KLF6: variants seen among roughly 807,000 people sequenced by gnomAD.
KLF6 encodes the protein KLF transcription factor 6.
For missense variants in KLF6, 233 were observed against 359.8 expected (o/e 0.65, Z 2.85); for synonymous variants, 152 against 147.9 (o/e 1.03, Z -0.20).
At position 3,782,284 on chromosome 10, in the gene KLF6, C is replaced by T. The variant is rs553665379; in HGVS notation, c.103-70G>A. 7.9e-7 allele frequency: 1 copy of T among 1,263,118 alleles called. No homozygotes were observed. The highest frequency in any genetic ancestry group is 1.5e-5 in the African/African-American group (1 of 68,310). The allele number at this position is 1,263,118 out of a possible 1,614,324, so 78.2% of individuals were successfully genotyped here. On this transcript the variant is annotated intron_variant, in intron 1 of 3. Coordinates refer to ENST00000497571, the MANE Select transcript of KLF6 (RefSeq NM_001300.6). The surrounding 1 kb of genome is among the most constrained non-coding windows in gnomAD (Gnocchi z 4.3). ...CAAAAGTAAAAGCAAAAGCAATTTC[C>T]AAAAACATGCAAGAATGAAGGACAG... is the stretch of plus-strand genomic sequence containing the variant.
At position 3,779,477 on chromosome 10, in the gene KLF6, C is replaced by T. The variant is rs112418040; in HGVS notation, c.*62G>A. On this transcript the variant is annotated 3_prime_UTR_variant, in exon 4 of 4. Coordinates refer to ENST00000497571, the MANE Select transcript of KLF6 (RefSeq NM_001300.6). ...GCTTTGGCTGGAACACGCATCCCTC[C>T]TTCCACGGCCGGCTCTCAGCCTGGA... is the stretch of plus-strand genomic sequence containing the variant. 4,249 of 1,419,224 alleles carry T rather than the reference C, an allele frequency of 3.0e-3. 115 individuals are homozygous for T. In the African/African-American group the frequency reaches 0.05, roughly 17 times the overall value. 87.9% of individuals were successfully genotyped at this position (1,419,224 alleles called of 1,614,324 possible). A position where few individuals can be genotyped will look rare whatever the true frequency, so the allele number is the denominator to read the frequency against.
In KLF6 at chr10:3,776,819, G is replaced by A. The variant is rs572130106; in HGVS notation, c.*2720C>T. Reference sequence around the variant, plus strand: ...GAACAGAATGTACTTCTTTATGTACGTGCTAATTATGAAAATCACAGGCAT... The same window carrying A: ...GAACAGAATGTACTTCTTTATGTACATGCTAATTATGAAAATCACAGGCAT... On this transcript the variant is annotated 3_prime_UTR_variant, in exon 4 of 4. Transcript: ENST00000497571. 5.5e-4 allele frequency: 287 copies of A among 521,492 alleles called. 2 individuals are homozygous for A. The highest frequency in any genetic ancestry group is 1.1e-3 in the South Asian group (72 of 64,816). The allele number at this position is 521,492 out of a possible 1,614,324, so 32.3% of individuals were successfully genotyped here. A position where few individuals can be genotyped will look rare whatever the true frequency, so the allele number is the denominator to read the frequency against.
rs1832373313 is a variant in KLF6, at chr10:3,776,304, C to CT, written c.*3234_*3235insA. 1.9e-6 allele frequency: 1 copy of CT among 532,958 alleles called. No individual in the cohort carries two copies. Among genetic ancestry groups the CT allele is most frequent in the African/African-American group, 1.9e-5 (1 of 53,746 alleles). The allele number at this position is 532,958 out of a possible 1,614,324, so 33.0% of individuals were successfully genotyped here. The stretch of plus-strand genomic sequence containing the variant: ...GCATGGTTCCCTACTGTGCCCACAG[C>CT]CGGGGGGTTGTTTTTGTCAGTCCTT... On this transcript the variant is annotated 3_prime_UTR_variant, in exon 4 of 4. Coordinates refer to ENST00000497571, the MANE Select transcript of KLF6 (RefSeq NM_001300.6).
chr10:3,781,054 A>G lies in KLF6; in HGVS notation c.676+587T>C, dbSNP rs7100231. 0.95 allele frequency: 155,136 copies of G among 163,698 alleles called. 74,118 individuals carry two copies. The highest frequency in any genetic ancestry group is 1 in the East Asian group (5,557 of 5,558). 10.1% of individuals were successfully genotyped at this position (163,698 alleles called of 1,614,324 possible). A position where few individuals can be genotyped will look rare whatever the true frequency, so the allele number is the denominator to read the frequency against. On this transcript the variant is annotated intron_variant, in intron 2 of 3. Coordinates refer to ENST00000497571, the MANE Select transcript of KLF6 (RefSeq NM_001300.6). This position sits in a 1 kb window ranked among gnomAD's most constrained non-coding sequence, Gnocchi z 5.8. ...AGAACATGTCAAGGTATTTTTAAATAGCACTTTCACCTAGGTATGGCATTT... is the reference window on the plus strand; with the variant it reads ...AGAACATGTCAAGGTATTTTTAAATGGCACTTTCACCTAGGTATGGCATTT...
rs113244515 is a variant in KLF6, at chr10:3,781,629, G to C, written c.676+12C>G. 1.9e-6 allele frequency: 3 copies of C among 1,612,368 alleles called. No homozygotes were observed. The highest frequency in any genetic ancestry group is 2.5e-6 in the Non-Finnish European group (3 of 1,179,300). On this transcript the variant is annotated intron_variant, in intron 2 of 3. Transcript: ENST00000497571. The surrounding 1 kb of genome is among the most constrained non-coding windows in gnomAD (Gnocchi z 5.8). ...CCAGCGGCCGCCCTCCGGGGCCCGC[G>C]TGGGCACTGACCTGTGTGCGTCCGC...
Position 3,780,042 on chromosome 10 carries a change from A to C in KLF6, c.800+64T>G. The C allele has an allele frequency of 6.2e-7, 1 of 1,605,000 alleles. No individual in the cohort carries two copies. The highest frequency in any genetic ancestry group is 8.5e-7 in the Non-Finnish European group (1 of 1,173,150). ...TCGAATGTGCCCTGCACACCTACTC[A>C]ACCCTGGTCATCACATTCCCAAGGC... On this transcript the variant is annotated intron_variant, in intron 3 of 3. Transcript: ENST00000497571. This position sits in a 1 kb window ranked among gnomAD's most constrained non-coding sequence, Gnocchi z 4.6.
In KLF6 at chr10:3,776,322, C is replaced by T. The variant is rs1256817217; in HGVS notation, c.*3217G>A. On this transcript the variant is annotated 3_prime_UTR_variant, in exon 4 of 4. Coordinates refer to ENST00000497571, the MANE Select transcript of KLF6 (RefSeq NM_001300.6). ...CCCACAGCCGGGGGGTTGTTTTTGT[C>T]AGTCCTTGGAGAAGAGTATTTGATG... 1 of 532,782 alleles carries T rather than the reference C, an allele frequency of 1.9e-6. No individual in the cohort carries two copies. The highest frequency in any genetic ancestry group is 2.2e-5 in the Admixed American group (1 of 44,978). 33.0% of individuals were successfully genotyped at this position (532,782 alleles called of 1,614,324 possible).
At chr10:3,779,821 C>A (rs367924424) in intron 3 of KLF6, among the ~76,000 whole-genome samples, 1 of 152,188 alleles carries the variant, frequency 6.6e-6, no homozygotes, top group Non-Finnish European at 1.5e-5. Flanking sequence ...AGAATCTGAA[C>A]GGACTTCATT....
In KLF6 at chr10:3,777,530, G is replaced by C; in HGVS notation, c.*2009C>G. 2.0e-6 allele frequency: 1 copy of C among 511,848 alleles called. No homozygotes were observed. Among genetic ancestry groups the C allele is most frequent in the Non-Finnish European group, 3.8e-6 (1 of 262,080 alleles). The allele number at this position is 511,848 out of a possible 1,614,324, so 31.7% of individuals were successfully genotyped here. On this transcript the variant is annotated 3_prime_UTR_variant, in exon 4 of 4. Transcript: ENST00000497571. ...GAACGGCCGAAGGTGCCCCATTCCA[G>C]ACCTGCCCATTTGATGGACAGAGCA...
Position 3,781,032 on chromosome 10 carries a change from A to G in KLF6, c.676+609T>C, listed in dbSNP as rs978289264. On this transcript the variant is annotated intron_variant, in intron 2 of 3. Transcript: ENST00000497571. This position sits in a 1 kb window ranked among gnomAD's most constrained non-coding sequence, Gnocchi z 5.8. ...GTGATTCCTCACCAATTATCCTAGA[A>G]CATGTCAAGGTATTTTTAAATAGCA... is the stretch of plus-strand genomic sequence containing the variant. 9.8e-5 allele frequency: 16 copies of G among 163,796 alleles called. No homozygotes were observed. The highest frequency in any genetic ancestry group is 1.1e-4 in the Non-Finnish European group (8 of 74,602). 10.1% of individuals were successfully genotyped at this position (163,796 alleles called of 1,614,324 possible).
rs2131093843 is a variant in KLF6, at chr10:3,778,919, T to C, written c.*620A>G. On this transcript the variant is annotated 3_prime_UTR_variant, in exon 4 of 4. Transcript: ENST00000497571. The stretch of plus-strand genomic sequence containing the variant: ...TAATAGCTGCACCAGACACTAAGAG[T>C]TCCTCTCACACAGAAAAGGGGGAGA... 1 of 534,494 alleles carries C rather than the reference T, an allele frequency of 1.9e-6. No individual in the cohort carries two copies. Among genetic ancestry groups the C allele is most frequent in the Non-Finnish European group, 3.6e-6 (1 of 276,522 alleles). The allele number at this position is 534,494 out of a possible 1,614,324, so 33.1% of individuals were successfully genotyped here.
Position 3,781,575 on chromosome 10 carries a change from C to A in KLF6, c.676+66G>T, listed in dbSNP as rs867866035. Reference sequence around the variant, plus strand: ...CCTGTGCAGCCAGGCCCGGCTCCCTCCAGGGCTGGTGCAATGCAGTGGCGC... The same window carrying A: ...CCTGTGCAGCCAGGCCCGGCTCCCTACAGGGCTGGTGCAATGCAGTGGCGC... On this transcript the variant is annotated intron_variant, in intron 2 of 3. Transcript: ENST00000497571. The surrounding 1 kb of genome is among the most constrained non-coding windows in gnomAD (Gnocchi z 5.8). 6.3e-7 allele frequency: 1 copy of A among 1,595,340 alleles called. No homozygotes were observed. The highest frequency in any genetic ancestry group is 1.3e-5 in the African/African-American group (1 of 74,550).
At position 3,781,268 on chromosome 10, in the gene KLF6, T is replaced by G; in HGVS notation, c.676+373A>C. 2 of 658,266 alleles carry G rather than the reference T, an allele frequency of 3.0e-6. No homozygotes were observed. The highest frequency in any genetic ancestry group is 4.9e-6 in the Non-Finnish European group (2 of 408,382). 40.8% of individuals were successfully genotyped at this position (658,266 alleles called of 1,614,324 possible). A position where few individuals can be genotyped will look rare whatever the true frequency, so the allele number is the denominator to read the frequency against. On this transcript the variant is annotated intron_variant, in intron 2 of 3. Transcript: ENST00000497571. The surrounding 1 kb of genome is among the most constrained non-coding windows in gnomAD (Gnocchi z 5.8). ...CAACCCTCTGTCCTGACCCTTGAGT[T>G]TCATTTAGGAAACCCCAGGGCCGCT...
In KLF6 at chr10:3,778,420, G is replaced by C. The variant is rs1832444346; in HGVS notation, c.*1119C>G. On this transcript the variant is annotated 3_prime_UTR_variant, in exon 4 of 4. Coordinates refer to ENST00000497571, the MANE Select transcript of KLF6 (RefSeq NM_001300.6). ...CGTTAGTGGTTTTATCCACCCAACT[G>C]AGAAAAATTTTAGGTTCTTAAGTCT... is the stretch of plus-strand genomic sequence containing the variant. The C allele has an allele frequency of 1.9e-6, 1 of 525,754 alleles. No homozygotes were observed. Among genetic ancestry groups the C allele is most frequent in the Non-Finnish European group, 3.7e-6 (1 of 270,930 alleles). The allele number at this position is 525,754 out of a possible 1,614,324, so 32.6% of individuals were successfully genotyped here.
rs1422429097 is a variant in KLF6 at position 3,776,703 on chromosome 10, A to C, written c.*2836T>G. 4.7e-4 allele frequency: 11 copies of C among 23,544 alleles called. No individual in the cohort carries two copies. The highest frequency in any genetic ancestry group is 1.2e-3 in the African/African-American group (10 of 8,162). 1.5% of individuals were successfully genotyped at this position (23,544 alleles called of 1,614,324 possible). A position where few individuals can be genotyped will look rare whatever the true frequency, so the allele number is the denominator to read the frequency against. On this transcript the variant is annotated 3_prime_UTR_variant, in exon 4 of 4. Transcript: ENST00000497571. The stretch of plus-strand genomic sequence containing the variant: ...ATTCTTTAGATAACAGGGTGCTTCC[A>C]AAAAAAAAAAAAAAAGAAATTTCAC...
At position 3,781,235 on chromosome 10, in the gene KLF6, C is replaced by A; in HGVS notation, c.676+406G>T. 2.0e-6 allele frequency: 1 copy of A among 512,402 alleles called. No homozygotes were observed. The highest frequency in any genetic ancestry group is 3.2e-5 in the South Asian group (1 of 31,292). The allele number at this position is 512,402 out of a possible 1,614,324, so 31.7% of individuals were successfully genotyped here. A position where few individuals can be genotyped will look rare whatever the true frequency, so the allele number is the denominator to read the frequency against. On this transcript the variant is annotated intron_variant, in intron 2 of 3. Coordinates refer to ENST00000497571, the MANE Select transcript of KLF6 (RefSeq NM_001300.6). This position sits in a 1 kb window ranked among gnomAD's most constrained non-coding sequence, Gnocchi z 5.8. ...CAGCATCAAACCCACACACTCCACG[C>A]TGCCCAGCAACCCTCTGTCCTGACC...
At position 3,781,784 on chromosome 10, in the gene KLF6, C is replaced by T. The variant is rs754239177; in HGVS notation, c.533G>A (p.Gly178Glu). The T allele has an allele frequency of 6.2e-6, 10 of 1,614,126 alleles. No homozygotes were observed. In the Admixed American group the frequency reaches 1.0e-4, roughly 16 times the overall value. ...CTTGTCACCTGGCTTCCCCGAAGTC[C>T]CGCTGCGCACCTTCCCTGGCGAGGG... ...ELPSPGKVRSGTSGKPGDKGN... is the reference protein window; with the variant it reads ...ELPSPGKVRSETSGKPGDKGN... Residue 178 changes from glycine to glutamate, a missense_variant, in exon 2 of 4, where the codon GGG becomes GAG. Transcript: ENST00000497571. This position sits in a 1 kb window ranked among gnomAD's most constrained non-coding sequence, Gnocchi z 5.8.
At position 3,781,224 on chromosome 10, in the gene KLF6, C is replaced by T. The variant is rs1044294080; in HGVS notation, c.676+417G>A. On this transcript the variant is annotated intron_variant, in intron 2 of 3. Coordinates refer to ENST00000497571, the MANE Select transcript of KLF6 (RefSeq NM_001300.6). This position sits in a 1 kb window ranked among gnomAD's most constrained non-coding sequence, Gnocchi z 5.8. ...CCTCGGGCCGTCAGCATCAAACCCA[C>T]ACACTCCACGCTGCCCAGCAACCCT... 1.7e-5 allele frequency: 8 copies of T among 472,946 alleles called. No homozygotes were observed. Among genetic ancestry groups the T allele is most frequent in the Non-Finnish European group, 2.6e-5 (7 of 272,048 alleles). The allele number at this position is 472,946 out of a possible 1,614,324, so 29.3% of individuals were successfully genotyped here. A position where few individuals can be genotyped will look rare whatever the true frequency, so the allele number is the denominator to read the frequency against.
Position 3,780,547 on chromosome 10 carries a change from A to G in KLF6, c.677-318T>C. 1 of 433,652 alleles carries G rather than the reference A, an allele frequency of 2.3e-6. No individual in the cohort carries two copies. Among genetic ancestry groups the G allele is most frequent in the East Asian group, 5.0e-5 (1 of 20,094 alleles). The allele number at this position is 433,652 out of a possible 1,614,324, so 26.9% of individuals were successfully genotyped here. A position where few individuals can be genotyped will look rare whatever the true frequency, so the allele number is the denominator to read the frequency against. On this transcript the variant is annotated intron_variant, in intron 2 of 3. Transcript: ENST00000497571. The surrounding 1 kb of genome is among the most constrained non-coding windows in gnomAD (Gnocchi z 4.6). ...GATGAGGTGTCAGCCTGCCGGACCC[A>G]CAGCCCCGGCAAAGGCAGAGCTATT...
Sources: allele counts gnomAD v4.1 joint callset (sites outside exome capture counted in the v4.1 genomes callset), GRCh38; gene constraint gnomAD v4.1.1; non-coding constraint Gnocchi (gnomAD v3.1); transcripts MANE v1.5; gene names NCBI Gene and HGNC (gene_info 2026-07-23, HGNC 2026-07-21).